ATF7IP2: variants seen among roughly 807,000 people sequenced by gnomAD.
ATF7IP2 encodes the protein activating transcription factor 7 interacting protein 2, also known as activating transcription factor 7-interacting protein 2.
In ATF7IP2, 42 loss-of-function variants were observed where a neutral mutation model predicts 64.2. The observed-to-expected ratio is 0.65, with a 90% CI of 0.51 to 0.85. The LOEUF is 0.85. Among genes scored for constraint, ATF7IP2 ranks in the 40% least tolerant of loss-of-function variants. ATF7IP2 has a pLI of 0.00. For missense variants in ATF7IP2, 933 were observed against 784.2 expected (o/e 1.19, Z -2.27); for synonymous variants, 308 against 272.8 (o/e 1.13, Z -1.27).
In ATF7IP2 at chr16:10,465,773, G is replaced by C. The variant is rs566839513; in HGVS notation, c.1353-6337G>C. Among the ~76,000 whole-genome samples, 4 of 151,598 alleles carry C rather than the reference G, an allele frequency of 2.6e-5. No homozygotes were observed. The East Asian group carries it at 7.7e-4, about 29-fold the overall frequency. On this transcript the variant is annotated intron_variant, in intron 9 of 13. Transcript: ENST00000562102. ...AAAGAGCTTTCATTGGTAGCAGTTA[G>C]TTGAATAGTTTCATGAAAGTTTCAT...
rs2049908976 is a variant in ATF7IP2 at position 10,473,990 on chromosome 16, G to A, written c.1549+1G>A. 1.3e-6 allele frequency: 2 copies of A among 1,583,158 alleles called. No individual in the cohort carries two copies. The highest frequency in any genetic ancestry group is 1.7e-5 in the Admixed American group (1 of 58,730). The stretch of plus-strand genomic sequence containing the variant: ...GAAGGCCTATCCAACTGCAATACAG[G>A]TAAAAGGATTTTTTAGATCTTTCTT... On this transcript the variant is annotated splice_donor_variant, in intron 12 of 13. Transcript: ENST00000562102. LOFTEE classifies it high-confidence loss of function.
intron 1 of ATF7IP2, among the ~76,000 whole-genome samples, chr16:10,390,562 A>G (rs1013934810): frequency 6.6e-6 from 1 of 152,156 alleles, no homozygotes; most frequent in South Asian, 2.1e-4. Flanking sequence ...GTAGAGGATA[A>G]CTTGAGGTCA....
intron 9 of ATF7IP2, among the ~76,000 whole-genome samples, chr16:10,468,672 T>C (rs1422370691): frequency 6.6e-6 from 1 of 152,162 alleles, no homozygotes; most frequent in Non-Finnish European, 1.5e-5. Flanking sequence ...GATAGAGCTC[T>C]GAAGATCTGC....
rs145957232 is a variant in ATF7IP2 at position 10,431,101 on chromosome 16, G to C, written c.481G>C (p.Ala161Pro). The C allele has an allele frequency of 3.1e-6, 5 of 1,614,106 alleles. No individual in the cohort carries two copies. In the South Asian group the frequency reaches 5.5e-5, roughly 18 times the overall value. ...VTRSLFEHEG[A>P]CSLKSSCCPP... Reference sequence around the variant, plus strand: ...AAGATCCCTTTTTGAGCATGAGGGGGCTTGTAGTCTAAAGTCCAGTTGCTG... The same window carrying C: ...AAGATCCCTTTTTGAGCATGAGGGGCCTTGTAGTCTAAAGTCCAGTTGCTG... The change falls in exon 5 of 14, where the codon GCT (alanine) becomes CCT (proline). Residue 161 changes from alanine to proline, a missense_variant. Ala to Pro is a conservative substitution (Grantham distance 27). Transcript: ENST00000562102.
rs117344225 is a variant in ATF7IP2 at position 10,452,922 on chromosome 16, A to G, written c.1195-4450A>G. Among the ~76,000 whole-genome samples, 477 of 152,128 alleles carry G rather than the reference A, an allele frequency of 3.1e-3. 3 individuals are homozygous for G. The highest frequency in any genetic ancestry group is 0.022 in the East Asian group (112 of 5,152). ...CCTACTCAAGCCTCAGCAATGGTCA[A>G]TGCCCCTCCCCTCACCAAGCTTGAC... is the stretch of plus-strand genomic sequence containing the variant. On this transcript the variant is annotated intron_variant, in intron 8 of 13. Transcript: ENST00000562102.
chr16:10,391,101 G>A (rs2047312318), intron 1 of ATF7IP2, among the ~76,000 whole-genome samples: 2 of 151,726 alleles, frequency 1.3e-5, no homozygotes, highest in South Asian at 4.2e-4. Context: ...AGGTTACAGT[G>A]AGCTATGATC....
intron 4 of ATF7IP2, among the ~76,000 whole-genome samples, chr16:10,429,735 T>TTTTATTTTA (rs2048180697): frequency 2.4e-5 from 3 of 125,050 alleles, no homozygotes; most frequent in African/African-American, 8.3e-5. Context: ...ATTTTATTTA[T>TTTTATTTTA]TTTATTTTAT....
chr16:10,406,526 A>G (rs370638206), intron 1 of ATF7IP2, among the ~76,000 whole-genome samples: 94 of 152,362 alleles, frequency 6.2e-4, no homozygotes, highest in African/African-American at 2.0e-3. Context: ...ACAAAAGATC[A>G]ATGAAATGAA....
chr16:10,475,571 T>C (rs1418775574), intron 12 of ATF7IP2, among the ~76,000 whole-genome samples: 2 of 151,234 alleles, frequency 1.3e-5, no homozygotes, highest in East Asian at 3.9e-4. Flanking sequence ...CGGGCACCTG[T>C]AGTCCCAGCT....
intron 8 of ATF7IP2, chr16:10,448,402 T>C (rs974895436): frequency 9.9e-5 from 15 of 152,228 alleles, no homozygotes; most frequent in Non-Finnish European, 1.8e-4. Flanking sequence ...TCCTATCCAT[T>C]AGCATGGAAT....
intron 3 of ATF7IP2, among the ~76,000 whole-genome samples, chr16:10,421,311 C>G (rs2047984497): frequency 6.6e-6 from 1 of 152,150 alleles, no homozygotes. Context: ...AGAGTCTTCT[C>G]TGGATCTTTT....
chr16:10,406,375 G>A (rs564356089), intron 1 of ATF7IP2, among the ~76,000 whole-genome samples: 1 of 152,124 alleles, frequency 6.6e-6, no homozygotes, highest in Non-Finnish European at 1.5e-5. Context: ...CAAAGTGCTG[G>A]GATTACAGGC....
chr16:10,431,539 C>A, intron 5 of ATF7IP2, 84 bp downstream of exon 5: 2 of 857,382 alleles, frequency 2.3e-6, no homozygotes, highest in Non-Finnish European at 3.5e-6. Flanking sequence ...ATATACAAAC[C>A]AGTATAGACA....
intron 2 of ATF7IP2, among the ~76,000 whole-genome samples, chr16:10,416,291 A>G (rs1023642828): frequency 3.9e-5 from 6 of 152,228 alleles, no homozygotes; most frequent in African/African-American, 1.4e-4. Flanking sequence ...GAGATCTGTC[A>G]TTTGCAACAA....
chr16:10,453,956 A>T (rs1236133202), intron 8 of ATF7IP2: 1 of 151,650 alleles, frequency 6.6e-6, no homozygotes, highest in East Asian at 1.9e-4. Flanking sequence ...CTTTCTTCGT[A>T]AGAAGGCTTT....
intron 10 of ATF7IP2, 59 bp from the exon 11 acceptor site, chr16:10,473,420 A>G (rs1355636054): frequency 5.6e-6 from 6 of 1,073,928 alleles, no homozygotes; most frequent in South Asian, 2.7e-5. Flanking sequence ...TAGCATTCAT[A>G]TTTCACAAAG....
chr16:10,456,631 A>G (rs1483031482), intron 8 of ATF7IP2, among the ~76,000 whole-genome samples: 2 of 152,094 alleles, frequency 1.3e-5, no homozygotes, highest in Non-Finnish European at 2.9e-5. Context: ...CCCCAGTGCC[A>G]TTGGGTGGGA....
At chr16:10,424,516 C>T (rs527981197) in intron 3 of ATF7IP2, among the ~76,000 whole-genome samples, 3 of 152,240 alleles carry the variant, frequency 2.0e-5, no homozygotes, top group Admixed American at 6.5e-5. Flanking sequence ...AAATTTTACA[C>T]TGTTTTCAAA....
chr16:10,422,772 C>T (rs767390296), intron 3 of ATF7IP2, among the ~76,000 whole-genome samples: 13 of 152,288 alleles, frequency 8.5e-5, no homozygotes, highest in South Asian at 8.3e-4. Flanking sequence ...ATTTGTGCTT[C>T]CAAATCCTCC....
Sources: gnomAD v4.1 joint callset for allele counts (sites outside exome capture counted in the v4.1 genomes callset) on GRCh38, gnomAD v4.1.1 for gene constraint, MANE v1.5 for transcripts, NCBI Gene and HGNC (gene_info 2026-07-23, HGNC 2026-07-21) for gene names.